Variants in TRUB1 observed in about 807,000 individuals in gnomAD.
TRUB1 encodes the protein TruB pseudouridine synthase family member 1, also known as pseudouridylate synthase TRUB1.
TRUB1 carries 23 observed loss-of-function variants against 33.9 expected under a neutral mutation model. That is an observed-to-expected ratio of 0.68 (90% CI 0.49 to 0.96). The LOEUF is 0.96. Ranked by LOEUF, TRUB1 falls within the 40% of genes least tolerant of loss-of-function variation. The pLI, the probability that TRUB1 is intolerant of heterozygous loss-of-function variation, is 0.00. For missense variants in TRUB1, 378 were observed against 422.2 expected (o/e 0.90, Z 0.92); for synonymous variants, 163 against 165.4 (o/e 0.99, Z 0.11).
intron 3 of TRUB1, among the ~76,000 whole-genome samples, chr10:114,951,820 C>T (rs1311331419): frequency 2.6e-5 from 4 of 152,022 alleles, no homozygotes; most frequent in South Asian, 4.2e-4. Context: ...TGAAAATGCA[C>T]GTGGAAGGAA....
intron 3 of TRUB1, among the ~76,000 whole-genome samples, chr10:114,956,130 G>A (rs574391020): frequency 5.8e-4 from 88 of 152,328 alleles, no homozygotes; most frequent in Admixed American, 1.6e-3. Context: ...AATACCTGCT[G>A]TGGGGTTTAG....
chr10:114,939,247 C>T (rs2084173956), intron 1 of TRUB1, among the ~76,000 whole-genome samples: 1 of 152,158 alleles, frequency 6.6e-6, no homozygotes, highest in Non-Finnish European at 1.5e-5. Context: ...GAGAATCACC[C>T]CGTTAATCAG....
chr10:114,963,471 TAAAGA>T (rs1228984145), intron 4 of TRUB1, among the ~76,000 whole-genome samples: 2 of 152,194 alleles, frequency 1.3e-5, no homozygotes, highest in Non-Finnish European at 2.9e-5. Context: ...AATGTACAAG[TAAAGA>T]AAACTGAACA....
At chr10:114,941,789 A>T (rs961240360) in intron 1 of TRUB1, among the ~76,000 whole-genome samples, 33 of 150,648 alleles carry the variant, frequency 2.2e-4, no homozygotes, top group Admixed American at 1.9e-3. Context: ...TTGTTTATTT[A>T]TTTATTTTTT....
intron 3 of TRUB1, among the ~76,000 whole-genome samples, chr10:114,954,719 G>A (rs1232027029): frequency 1.3e-5 from 2 of 151,150 alleles, no homozygotes; most frequent in Non-Finnish European, 1.5e-5. Flanking sequence ...TGAACTTTTT[G>A]TACAGTGCCT....
chr10:114,952,774 A>C (rs1281802082), intron 3 of TRUB1, among the ~76,000 whole-genome samples: 1 of 152,168 alleles, frequency 6.6e-6, no homozygotes, highest in Non-Finnish European at 1.5e-5. Context: ...GTTTCTCAGT[A>C]AATTTTTATA....
intron 1 of TRUB1, 108 bp downstream of exon 1, chr10:114,938,647 G>A: frequency 8.1e-7 from 1 of 1,240,370 alleles, no homozygotes. Context: ...AGGGGAAAGG[G>A]AGACTGACCA....
chr10:114,974,469 A>G (rs2084351153), intron 7 of TRUB1, 84 bp downstream of exon 7: 3 of 1,190,328 alleles, frequency 2.5e-6, no homozygotes, highest in Admixed American at 3.6e-5. Context: ...CGTTTTTCTT[A>G]TTTCTGAGTA....
intron 4 of TRUB1, among the ~76,000 whole-genome samples, chr10:114,963,858 AG>A (rs1186521918): frequency 2.0e-5 from 3 of 151,848 alleles, no homozygotes; most frequent in Admixed American, 6.6e-5. Context: ...ATACTCTCCC[AG>A]TTTGGGGCTT....
rs1013494997 is a variant in TRUB1 at position 114,976,228 on chromosome 10, T to C, written c.*849T>C. 1 of 112,812 alleles carries C rather than the reference T, an allele frequency of 8.9e-6. No individual in the cohort carries two copies. The allele number at this position is 112,812 out of a possible 1,614,324, so 7.0% of individuals were successfully genotyped here. A position where few individuals can be genotyped will look rare whatever the true frequency, so the allele number is the denominator to read the frequency against. ...TTTAGCATTTATTTATATTTCTCTG[T>C]AGGGTGTTCCCTGTGACATTGTCTC... On this transcript the variant is annotated 3_prime_UTR_variant, in exon 8 of 8. Coordinates refer to ENST00000298746, the MANE Select transcript of TRUB1 (RefSeq NM_139169.5).
intron 4 of TRUB1, among the ~76,000 whole-genome samples, chr10:114,964,727 A>G (rs952295465): frequency 6.6e-6 from 1 of 152,264 alleles, no homozygotes; most frequent in Non-Finnish European, 1.5e-5. Flanking sequence ...GCACTTTCCC[A>G]GTACTCTTGT....
At chr10:114,955,115 G>A (rs1182058154) in intron 3 of TRUB1, among the ~76,000 whole-genome samples, 1 of 152,200 alleles carries the variant, frequency 6.6e-6, no homozygotes, top group Non-Finnish European at 1.5e-5. Flanking sequence ...ATGTAGAAAT[G>A]GAGCTACATA....
chr10:114,964,379 A>G (rs972257837), intron 4 of TRUB1, among the ~76,000 whole-genome samples: 3 of 150,514 alleles, frequency 2.0e-5, no homozygotes, highest in Admixed American at 6.6e-5. Context: ...TTTGTTTTTT[A>G]TTAAGCACCT....
chr10:114,953,709 G>T (rs552328048), intron 3 of TRUB1, among the ~76,000 whole-genome samples: 1 of 152,238 alleles, frequency 6.6e-6, no homozygotes, highest in Admixed American at 6.5e-5. Flanking sequence ...GGTTCATTTG[G>T]CTCATGGTTC....
At chr10:114,941,548 G>A (rs116558698) in intron 1 of TRUB1, among the ~76,000 whole-genome samples, 1,587 of 152,060 alleles carry the variant, frequency 0.01, 23 homozygotes, top group African/African-American at 0.036. Context: ...TCCCTGTGTT[G>A]CCTAGGGTGG....
intron 2 of TRUB1, among the ~76,000 whole-genome samples, chr10:114,946,664 CA>C (rs1369754994): frequency 6.6e-6 from 1 of 151,892 alleles, no homozygotes; most frequent in Non-Finnish European, 1.5e-5. Flanking sequence ...TTGAAACAAA[CA>C]AACAAACAAA....
At chr10:114,968,203 T>C (rs1378247964) in intron 4 of TRUB1, among the ~76,000 whole-genome samples, 1 of 152,158 alleles carries the variant, frequency 6.6e-6, no homozygotes, top group Non-Finnish European at 1.5e-5. Flanking sequence ...GCTTGACATG[T>C]TCAGTCAGAG....
intron 4 of TRUB1, among the ~76,000 whole-genome samples, chr10:114,967,008 T>C (rs1439776365): frequency 1.3e-5 from 2 of 152,208 alleles, no homozygotes; most frequent in East Asian, 3.8e-4. Flanking sequence ...CCCCCAGCCT[T>C]GTAAGAGCTT....
intron 4 of TRUB1, among the ~76,000 whole-genome samples, chr10:114,961,544 G>T (rs1006447272): frequency 2.0e-5 from 3 of 152,116 alleles, no homozygotes; most frequent in Non-Finnish European, 4.4e-5. Flanking sequence ...TAGGTAATTT[G>T]TAACCTTATT....
Sources: allele counts gnomAD v4.1 joint callset (sites outside exome capture counted in the v4.1 genomes callset), GRCh38; gene constraint gnomAD v4.1.1; transcripts MANE v1.5; gene names NCBI Gene and HGNC (gene_info 2026-07-23, HGNC 2026-07-21).